LRTM1: variants seen among roughly 807,000 people sequenced by gnomAD.
The protein encoded by LRTM1 is leucine-rich repeat and transmembrane domain-containing protein 1.
LRTM1 carries 38 observed loss-of-function variants against 32.4 expected under a neutral mutation model. That is an observed-to-expected ratio of 1.17 (90% CI 0.91 to 1.54). The LOEUF is 1.54. LRTM1 is among the 40% of genes most tolerant of loss of function. The pLI, the probability that LRTM1 is intolerant of heterozygous loss-of-function variation, is 0.00. For missense variants in LRTM1, 466 were observed against 415.4 expected, an observed-to-expected ratio of 1.12 and a Z score of -1.06; for synonymous variants, 186 against 169.9, an observed-to-expected ratio of 1.09 and a Z score of -0.74.
Position 54,918,610 on chromosome 3 carries a change from C to T in LRTM1, c.887G>A (p.Cys296Tyr), listed in dbSNP as rs762783233. 9.3e-6 allele frequency: 15 copies of T among 1,614,058 alleles called. No homozygotes were observed. The highest frequency in any genetic ancestry group is 1.3e-5 in the African/African-American group (1 of 74,918). The change falls in exon 3 of 3, where the codon TGT becomes TAT. Residue 296 changes from cysteine to tyrosine, a missense_variant. Cys to Tyr is a radical substitution (Grantham distance 194). Coordinates refer to ENST00000273286, the MANE Select transcript of LRTM1 (RefSeq NM_020678.4). ...CAACATCATGAGACACACAATCCCA[C>T]ACACAACGCCAGTGATGATGACAGT... is the stretch of plus-strand genomic sequence containing the variant. ...IATVIITGVV[C>Y]GIVCLMMLAA...
chr3:54,923,564 T>A (rs570514273), intron 2 of LRTM1, among the ~76,000 whole-genome samples: 6 of 152,338 alleles, frequency 3.9e-5, no homozygotes, highest in African/African-American at 1.4e-4. Context: ...ATTTATCATC[T>A]TATTTAACAT....
intron 1 of LRTM1, among the ~76,000 whole-genome samples, chr3:54,947,768 G>A (rs138133469): frequency 3.3e-4 from 51 of 152,274 alleles, no homozygotes; most frequent in Middle Eastern, 3.4e-3. Context: ...TTGGATGCTA[G>A]CCCTAAGGCA....
At chr3:54,944,814 G>T (rs10630354) in intron 1 of LRTM1, among the ~76,000 whole-genome samples, 2,677 of 111,424 alleles carry the variant, frequency 0.024, 49 homozygotes, top group South Asian at 0.045. Flanking sequence ...TAGAGCTGGG[G>T]GTGTGTGTGT....
intron 1 of LRTM1, among the ~76,000 whole-genome samples, chr3:54,950,688 C>T (rs1056068686): frequency 1.9e-4 from 29 of 152,240 alleles, no homozygotes; most frequent in African/African-American, 1.7e-4. Flanking sequence ...TCTCTACTCA[C>T]GAAAGGAACC....
chr3:54,925,378 CT>C (rs1367373711), intron 1 of LRTM1, among the ~76,000 whole-genome samples, 163 bp from the exon 2 acceptor site: 1 of 152,170 alleles, frequency 6.6e-6, no homozygotes, highest in Non-Finnish European at 1.5e-5. Flanking sequence ...TAGAGCCAGG[CT>C]GGTCAGAGTA....
chr3:54,954,524 G>A (rs1168213256), intron 1 of LRTM1, among the ~76,000 whole-genome samples: 4 of 152,184 alleles, frequency 2.6e-5, no homozygotes, highest in Non-Finnish European at 5.9e-5. Flanking sequence ...TTTCTGTCGG[G>A]GTCTACCAGC....
intron 1 of LRTM1, among the ~76,000 whole-genome samples, chr3:54,925,973 C>T (rs1575380840): frequency 6.6e-6 from 1 of 152,054 alleles, no homozygotes; most frequent in East Asian, 1.9e-4. Flanking sequence ...TAATAAATAC[C>T]CATTTTCTAT....
intron 1 of LRTM1, among the ~76,000 whole-genome samples, chr3:54,948,188 C>G (rs535284585): frequency 1.3e-5 from 2 of 152,250 alleles, no homozygotes; most frequent in African/African-American, 4.8e-5. Context: ...CCCTGGTTGT[C>G]TTGACTAGAG....
At position 54,925,043 on chromosome 3, in the gene LRTM1, A is replaced by G; in HGVS notation, c.180T>C (p.Asn60=). ...CAAAAGCAGGAAGATGGTGTATCTGATTATCTTGTAAATGCAGCGTTCGAG... is the reference window on the plus strand; with the variant it reads ...CAAAAGCAGGAAGATGGTGTATCTGGTTATCTTGTAAATGCAGCGTTCGAG... ...PQTRTLHLQD[N]QIHHLPAFAF... Residue 60 remains asparagine (N), a synonymous_variant, in exon 2 of 3, where the codon AAT becomes AAC. Transcript: ENST00000273286. 6.2e-7 allele frequency: 1 copy of G among 1,614,102 alleles called. No homozygotes were observed. Among genetic ancestry groups the G allele is most frequent in the Middle Eastern group, 1.6e-4 (1 of 6,062 alleles).
chr3:54,935,864 C>T (rs566813487), intron 1 of LRTM1, among the ~76,000 whole-genome samples: 9 of 152,252 alleles, frequency 5.9e-5, no homozygotes, highest in African/African-American at 1.2e-4. Flanking sequence ...TGAAAATGCT[C>T]TGGAAAACAG....
chr3:54,948,939 T>C (rs1205251289), intron 1 of LRTM1, among the ~76,000 whole-genome samples: 1 of 152,212 alleles, frequency 6.6e-6, no homozygotes, highest in African/African-American at 2.4e-5. Context: ...CATTGTTTCA[T>C]GTAACTAAAA....
intron 1 of LRTM1, among the ~76,000 whole-genome samples, chr3:54,965,863 G>A (rs949231789): frequency 6.6e-6 from 1 of 152,102 alleles, no homozygotes; most frequent in Non-Finnish European, 1.5e-5. Flanking sequence ...GTGTGAGTGA[G>A]GAGAGAGGGA....
At chr3:54,940,659 T>TAAAAGGACC (rs1701442412) in intron 1 of LRTM1, among the ~76,000 whole-genome samples, 1 of 151,992 alleles carries the variant, frequency 6.6e-6, no homozygotes, top group African/African-American at 2.4e-5. Context: ...TGTGAATGCC[T>TAAAAGGACC]AAAAGGACCA....
intron 1 of LRTM1, among the ~76,000 whole-genome samples, chr3:54,963,323 G>A (rs1272184549): frequency 6.6e-6 from 1 of 151,986 alleles, no homozygotes; most frequent in African/African-American, 2.4e-5. Flanking sequence ...CATCCTTAAG[G>A]AGTGCTAGGG....
Position 54,927,965 on chromosome 3 carries a change from G to GGTCACA in LRTM1, c.-55_-54insTGTGAC. The GGTCACA allele has an allele frequency of 6.3e-7, 1 of 1,575,612 alleles. No homozygotes were observed. The highest frequency in any genetic ancestry group is 2.2e-5 in the East Asian group (1 of 44,660). On this transcript the variant is annotated 5_prime_UTR_variant, in exon 1 of 3. An upstream open reading frame in the 5' UTR gains an earlier in-frame stop. Transcript: ENST00000273286. ...ACCTCGTAGACCCTTTAATTAATGT[G>GGTCACA]CAGAGCAACACACGAAGGGCATGGC...
At chr3:54,935,908 A>G (rs935162728) in intron 1 of LRTM1, among the ~76,000 whole-genome samples, 1 of 152,184 alleles carries the variant, frequency 6.6e-6, no homozygotes, top group African/African-American at 2.4e-5. Context: ...TGTAGCCCAC[A>G]TTACACATCC....
rs36205023 is a variant in LRTM1, at chr3:54,926,505, T to TACACAC, written c.8-1296_8-1291dup. Among the ~76,000 whole-genome samples, 527 of 143,390 alleles carry TACACAC rather than the reference T, an allele frequency of 3.7e-3. 3 individuals are homozygous for TACACAC. The highest frequency in any genetic ancestry group is 9.7e-3 in the South Asian group (41 of 4,234). 94.1% of individuals were successfully genotyped at this position (143,390 alleles called of 152,430 possible). ...CTACTGTGCTCCACTGCCTGTCAAA[T>TACACAC]ACACACACACACACACACACACACA... is the stretch of plus-strand genomic sequence containing the variant. On this transcript the variant is annotated intron_variant, in intron 1 of 2. Coordinates refer to ENST00000273286, the MANE Select transcript of LRTM1 (RefSeq NM_020678.4).
intron 2 of LRTM1, 63 bp downstream of exon 2, chr3:54,924,556 C>T: frequency 7.6e-7 from 1 of 1,322,206 alleles, no homozygotes; most frequent in Admixed American, 1.8e-5. Context: ...ATGCAGAGAA[C>T]AGATGAGATT....
intron 1 of LRTM1, among the ~76,000 whole-genome samples, chr3:54,954,671 T>C (rs1321688513): frequency 1.3e-5 from 2 of 152,116 alleles, no homozygotes; most frequent in African/African-American, 4.8e-5. Flanking sequence ...GTTCCCCTGT[T>C]TTTCTTCCTG....
Sources: allele counts gnomAD v4.1 joint callset (sites outside exome capture counted in the v4.1 genomes callset), GRCh38; gene constraint gnomAD v4.1.1; transcripts MANE v1.5; gene names NCBI Gene and HGNC (gene_info 2026-07-23, HGNC 2026-07-21).